ADAMTSL3: variants seen among roughly 807,000 people sequenced by gnomAD.
The protein encoded by ADAMTSL3 is ADAMTS like 3, also known as ADAMTS-like protein 3.
Under a neutral mutation model 201.7 loss-of-function variants are expected in ADAMTSL3, and 128 were observed. The observed-to-expected ratio is 0.63, with a 90% confidence interval of 0.55 to 0.73. ADAMTSL3 has a LOEUF of 0.73. Among genes scored for constraint, ADAMTSL3 ranks in the 30% least tolerant of loss-of-function variants. ADAMTSL3 has a pLI of 0.00. For missense variants in ADAMTSL3, 1,990 were observed against 2,119.6 expected, an observed-to-expected ratio of 0.94 and a Z score of 1.20; for synonymous variants, 738 against 748.4, an observed-to-expected ratio of 0.99 and a Z score of 0.23.
chr15:84,035,914 C>T (rs891596702), intron 28 of ADAMTSL3, among the ~76,000 whole-genome samples: 5 of 152,024 alleles, frequency 3.3e-5, no homozygotes, highest in Non-Finnish European at 7.4e-5. Context: ...TATTTCTGGC[C>T]GATGTGGAAG....
chr15:83,843,130 G>A (rs1270680300), intron 7 of ADAMTSL3, among the ~76,000 whole-genome samples: 1 of 152,076 alleles, frequency 6.6e-6, no homozygotes, highest in African/African-American at 2.4e-5. Flanking sequence ...TTCTTTCCAG[G>A]AAAATGCATG....
intron 25 of ADAMTSL3, among the ~76,000 whole-genome samples, chr15:84,020,623 G>C (rs2068185002): frequency 6.6e-6 from 1 of 152,220 alleles, no homozygotes. Context: ...TGTGGACACA[G>C]CTGGTAGCTA....
chr15:83,826,757 G>A (rs1422342482), intron 6 of ADAMTSL3, among the ~76,000 whole-genome samples: 22 of 150,112 alleles, frequency 1.5e-4, no homozygotes, highest in Middle Eastern at 3.5e-3. Flanking sequence ...GAGAACATGC[G>A]GTGTTTGGTT....
chr15:83,900,082 G>A (rs2065694545), intron 15 of ADAMTSL3, among the ~76,000 whole-genome samples: 1 of 152,224 alleles, frequency 6.6e-6, no homozygotes, highest in Non-Finnish European at 1.5e-5. Flanking sequence ...CCATGGGTAA[G>A]TCATGGTCAA....
intron 2 of ADAMTSL3, among the ~76,000 whole-genome samples, chr15:83,696,965 C>G (rs1482590295): frequency 6.6e-6 from 1 of 152,152 alleles, no homozygotes; most frequent in Non-Finnish European, 1.5e-5. Flanking sequence ...GGGAGAAAGG[C>G]TAGGTCCCTT....
chr15:83,971,901 ATGTTT>A (rs2067203577), intron 20 of ADAMTSL3, among the ~76,000 whole-genome samples: 1 of 148,340 alleles, frequency 6.7e-6, no homozygotes, highest in African/African-American at 2.4e-5. Flanking sequence ...TTTTATATAT[ATGTTT>A]TATATATATG....
chr15:83,764,914 C>T (rs2062867284), intron 3 of ADAMTSL3, among the ~76,000 whole-genome samples: 1 of 152,102 alleles, frequency 6.6e-6, no homozygotes, highest in African/African-American at 2.4e-5. Flanking sequence ...GGATAGGGCA[C>T]AAACAGCCTA....
At chr15:83,823,961 CTTCTT>C (rs2063952522) in intron 6 of ADAMTSL3, among the ~76,000 whole-genome samples, 1 of 87,650 alleles carries the variant, frequency 1.1e-5, no homozygotes, top group African/African-American at 3.4e-5. Context: ...TCTTCTTCTT[CTTCTT>C]CTTCTTCTCC....
intron 15 of ADAMTSL3, among the ~76,000 whole-genome samples, chr15:83,900,475 G>A (rs1240112833): frequency 6.6e-6 from 1 of 152,236 alleles, no homozygotes; most frequent in African/African-American, 2.4e-5. Flanking sequence ...GAATCTGTAA[G>A]AACAACAGTA....
intron 9 of ADAMTSL3, among the ~76,000 whole-genome samples, chr15:83,877,405 A>G (rs970094909): frequency 6.6e-6 from 1 of 152,184 alleles, no homozygotes; most frequent in Non-Finnish European, 1.5e-5. Flanking sequence ...TCCATTGCCT[A>G]TTTCTCTGAA....
chr15:83,724,607 G>C (rs1040785266), intron 3 of ADAMTSL3, among the ~76,000 whole-genome samples: 9 of 151,546 alleles, frequency 5.9e-5, no homozygotes, highest in African/African-American at 2.2e-4. Context: ...GTTGACTGTA[G>C]TCACCCTGTT....
At chr15:83,970,411 G>T in intron 19 of ADAMTSL3, 73 bp from the exon 20 acceptor site, 1 of 1,572,380 alleles carries the variant, frequency 6.4e-7, no homozygotes, top group South Asian at 1.1e-5. Context: ...TTCACCCTTG[G>T]AGACTTTGCT....
At chr15:83,970,715 G>C in intron 20 of ADAMTSL3, 78 bp downstream of exon 20, 1 of 1,544,590 alleles carries the variant, frequency 6.5e-7, no homozygotes, top group African/African-American at 1.4e-5. Context: ...TTTTCCATAC[G>C]TCAACAGATT....
intron 8 of ADAMTSL3, among the ~76,000 whole-genome samples, chr15:83,870,393 GT>G (rs2065059590): frequency 6.6e-6 from 1 of 152,144 alleles, no homozygotes; most frequent in East Asian, 1.9e-4. Flanking sequence ...CAAAAGTTTT[GT>G]TTGATAAAAA....
chr15:83,875,366 G>A (rs1415524383), intron 9 of ADAMTSL3, among the ~76,000 whole-genome samples: 1 of 152,212 alleles, frequency 6.6e-6, no homozygotes, highest in Non-Finnish European at 1.5e-5. Flanking sequence ...CTGGCTAGGA[G>A]CATCCCATGG....
intron 17 of ADAMTSL3, among the ~76,000 whole-genome samples, chr15:83,940,697 T>A (rs2142030918): frequency 6.6e-6 from 1 of 152,368 alleles, no homozygotes; most frequent in Admixed American, 6.5e-5. Context: ...GCTTCTTTTT[T>A]ATTTAGAATT....
chr15:83,858,052 A>G (rs1232847451), intron 7 of ADAMTSL3, among the ~76,000 whole-genome samples: 1 of 152,252 alleles, frequency 6.6e-6, no homozygotes. Flanking sequence ...GCCAAGGATC[A>G]TGAAATTTTT....
At chr15:83,920,378 C>T (rs2066116949) in intron 16 of ADAMTSL3, among the ~76,000 whole-genome samples, 1 of 152,192 alleles carries the variant, frequency 6.6e-6, no homozygotes, top group African/African-American at 2.4e-5. Context: ...TTCCTAAGGC[C>T]AAATGGCTTT....
intron 17 of ADAMTSL3, among the ~76,000 whole-genome samples, chr15:83,933,081 A>T (rs893389112): frequency 6.6e-6 from 1 of 152,258 alleles, no homozygotes. Flanking sequence ...TTGGCAGTTT[A>T]TATGGTTCCA....
Sources: gnomAD v4.1 joint callset for allele counts (sites outside exome capture counted in the v4.1 genomes callset) on GRCh38, gnomAD v4.1.1 for gene constraint, MANE v1.5 for transcripts, NCBI Gene and HGNC (gene_info 2026-07-23, HGNC 2026-07-21) for gene names.